Variants in GRID1 observed in about 807,000 individuals in gnomAD.
GRID1 encodes glutamate ionotropic receptor delta type subunit 1, also known as glutamate receptor ionotropic, delta-1.
Under a neutral mutation model 98.0 loss-of-function variants are expected in GRID1, and 28 were observed. The observed-to-expected ratio is 0.29, with a 90% CI of 0.21 to 0.39. The LOEUF is 0.39. GRID1 is among the 10% of genes least tolerant of loss of function. GRID1 has a pLI of 1.00. For missense variants in GRID1, 1,111 were observed against 1,340.5 expected (o/e 0.83, Z 2.67); for synonymous variants, 553 against 538.5 (o/e 1.03, Z -0.37).
At chr10:85,920,126 G>T (rs961427798) in intron 4 of GRID1, among the ~76,000 whole-genome samples, 14 of 152,070 alleles carry the variant, frequency 9.2e-5, no homozygotes, top group Admixed American at 1.3e-4. Flanking sequence ...ACCTTGTTTG[G>T]CTTCCTTTAT....
At position 85,599,802 on chromosome 10, in the gene GRID1, A is replaced by AAAAAATATAT; in HGVS notation, c.*2470_*2471insATATATTTTT. 5 of 64,978 alleles carry AAAAAATATAT rather than the reference A, an allele frequency of 7.7e-5. No individual in the cohort carries two copies. The highest frequency in any genetic ancestry group is 4.8e-4 in the South Asian group (1 of 2,070). The allele number at this position is 64,978 out of a possible 1,614,324, so 4.0% of individuals were successfully genotyped here. ...GTAGAAAATTCTAAAAAAAAAAAAA[A>AAAAAATATAT]ATATATATATATATATATAAACATG... is the stretch of plus-strand genomic sequence containing the variant. On this transcript the variant is annotated 3_prime_UTR_variant, in exon 16 of 16. Transcript: ENST00000327946.
chr10:85,704,799 C>T (rs1363267209), intron 12 of GRID1, among the ~76,000 whole-genome samples: 1 of 152,176 alleles, frequency 6.6e-6, no homozygotes, highest in Non-Finnish European at 1.5e-5. Context: ...CAAACTAGAA[C>T]TCAGGATTAA....
chr10:86,170,382 G>A (rs1382204093), intron 3 of GRID1, among the ~76,000 whole-genome samples: 1 of 152,234 alleles, frequency 6.6e-6, no homozygotes, highest in East Asian at 1.9e-4. Flanking sequence ...CGGTAAAGTA[G>A]AGCTTCTCAT....
chr10:85,847,175 G>A (rs1482627861), intron 8 of GRID1, among the ~76,000 whole-genome samples: 1 of 152,176 alleles, frequency 6.6e-6, no homozygotes, highest in Non-Finnish European at 1.5e-5. Context: ...CTTACAGAAT[G>A]GAGACACACA....
At chr10:86,034,902 GTGGATGGATGGA>G (rs59211171) in intron 4 of GRID1, among the ~76,000 whole-genome samples, 143 of 143,842 alleles carry the variant, frequency 9.9e-4, no homozygotes, top group African/African-American at 2.4e-3. Context: ...CAATGGATTG[GTGGATGGATGGA>G]TGGATGGATG....
At chr10:86,058,776 C>T (rs919935695) in intron 4 of GRID1, among the ~76,000 whole-genome samples, 3 of 152,226 alleles carry the variant, frequency 2.0e-5, no homozygotes, top group Non-Finnish European at 2.9e-5. Flanking sequence ...TGAGCACCCG[C>T]TGTGTGTCTG....
chr10:86,078,746 G>A (rs904370392), intron 4 of GRID1, among the ~76,000 whole-genome samples: 2 of 152,228 alleles, frequency 1.3e-5, no homozygotes, highest in Non-Finnish European at 2.9e-5. Flanking sequence ...AGGCAGGAAG[G>A]TGTCTGGCCC....
At chr10:86,313,244 C>G (rs1214830858) in intron 2 of GRID1, among the ~76,000 whole-genome samples, 1 of 152,230 alleles carries the variant, frequency 6.6e-6, no homozygotes, top group African/African-American at 2.4e-5. Context: ...ATACTAACAG[C>G]GATCATTACC....
chr10:85,807,229 A>G (rs1392055650), intron 8 of GRID1, among the ~76,000 whole-genome samples: 1 of 152,050 alleles, frequency 6.6e-6, no homozygotes, highest in Non-Finnish European at 1.5e-5. Flanking sequence ...GCGCACCTGT[A>G]GTCTCAGCTA....
At chr10:86,098,428 G>A (rs909516844) in intron 4 of GRID1, among the ~76,000 whole-genome samples, 7 of 152,186 alleles carry the variant, frequency 4.6e-5, no homozygotes, top group African/African-American at 1.7e-4. Context: ...CTTGGATACT[G>A]TCATTGCCTT....
At chr10:85,698,238 A>G (rs1036835150) in intron 12 of GRID1, among the ~76,000 whole-genome samples, 1 of 152,214 alleles carries the variant, frequency 6.6e-6, no homozygotes. Context: ...CCACATATCA[A>G]TTAAAAGAAT....
At chr10:86,325,821 A>G (rs751784432) in intron 2 of GRID1, among the ~76,000 whole-genome samples, 1 of 152,252 alleles carries the variant, frequency 6.6e-6, no homozygotes, top group African/African-American at 2.4e-5. Context: ...TACAACAAGC[A>G]TCACACTTAA....
Position 85,869,133 on chromosome 10 carries a change from T to C in GRID1, c.828A>G (p.Gly276=). 6.2e-7 allele frequency: 1 copy of C among 1,614,022 alleles called. No homozygotes were observed. The highest frequency in any genetic ancestry group is 8.5e-7 in the Non-Finnish European group (1 of 1,179,908). The change falls in exon 6 of 16, where the codon GGA becomes GGG. Residue 276 remains glycine (G), a synonymous_variant. Coordinates refer to ENST00000327946, the MANE Select transcript of GRID1 (RefSeq NM_017551.3). ...AGATTTGCCGGACCACGGTCATCCTTCCAAGGGCACTATGGACCAGATCCA... is the reference window on the plus strand; with the variant it reads ...AGATTTGCCGGACCACGGTCATCCTCCCAAGGGCACTATGGACCAGATCCA... ...EILDLVHSAL[G]RMTVVRQIFP... is the part of the protein sequence containing the mutation.
At chr10:85,855,854 C>T (rs554062054) in intron 7 of GRID1, among the ~76,000 whole-genome samples, 175 bp downstream of exon 7, 9 of 152,296 alleles carry the variant, frequency 5.9e-5, no homozygotes, top group African/African-American at 2.2e-4. Flanking sequence ...GACCACAGCT[C>T]ACCTGGCCTG....
chr10:86,334,126 C>T (rs746424705), intron 2 of GRID1, among the ~76,000 whole-genome samples: 1 of 152,096 alleles, frequency 6.6e-6, no homozygotes, highest in Non-Finnish European at 1.5e-5. Flanking sequence ...CCTGGCCTAT[C>T]CATCTGCTTG....
At chr10:85,787,077 C>T (rs887575638) in intron 8 of GRID1, among the ~76,000 whole-genome samples, 1 of 152,206 alleles carries the variant, frequency 6.6e-6, no homozygotes, top group East Asian at 1.9e-4. Flanking sequence ...AGCACAGCAC[C>T]CATGGAAGAC....
chr10:85,758,922 T>G (rs1196693244), intron 8 of GRID1, among the ~76,000 whole-genome samples: 3 of 152,204 alleles, frequency 2.0e-5, no homozygotes, highest in Admixed American at 2.0e-4. Flanking sequence ...GAGGACAAGC[T>G]GCTTAACCCC....
rs796542269 is a variant in GRID1, at chr10:85,968,683, C to CA, written c.727-52445dup. Among the ~76,000 whole-genome samples, 57 of 151,654 alleles carry CA rather than the reference C, an allele frequency of 3.8e-4. 1 individual carries two copies. Among genetic ancestry groups the CA allele is most frequent in the African/African-American group, 1.1e-3 (46 of 41,292 alleles). On this transcript the variant is annotated intron_variant, in intron 4 of 15. Coordinates refer to ENST00000327946, the MANE Select transcript of GRID1 (RefSeq NM_017551.3). ...ATTGTAATTCCCAGGGCAACCACCA[C>CA]AAAAATAACTAAAAAATATATACAG...
At chr10:86,146,467 C>T (rs765650368) in intron 3 of GRID1, among the ~76,000 whole-genome samples, 20 of 152,266 alleles carry the variant, frequency 1.3e-4, no homozygotes, top group Middle Eastern at 3.4e-3. Context: ...GCAAGCGGAG[C>T]AGGTATGATG....
Sources: allele counts gnomAD v4.1 joint callset (sites outside exome capture counted in the v4.1 genomes callset), GRCh38; gene constraint gnomAD v4.1.1; transcripts MANE v1.5; gene names NCBI Gene and HGNC (gene_info 2026-07-23, HGNC 2026-07-21).